BCAS3: variants seen among roughly 807,000 people sequenced by gnomAD.
BCAS3 encodes the protein BCAS4/BCAS3 fusion.
A neutral mutation model predicts 116.1 loss-of-function variants in BCAS3; 53 were observed. The ratio of observed to expected loss-of-function variants is 0.46; its 90% CI spans 0.37 to 0.57. BCAS3 has a LOEUF of 0.57. Among genes scored for constraint, BCAS3 ranks in the 20% least tolerant of loss-of-function variants. The pLI is 0.00. For synonymous variants in BCAS3, 391 were observed against 408.2 expected, an observed-to-expected ratio of 0.96 and a Z score of 0.51; for missense variants, 917 against 1,165.4, an observed-to-expected ratio of 0.79 and a Z score of 3.10.
In BCAS3 at chr17:61,015,788, C is replaced by T. The variant is rs1268912673; in HGVS notation, c.1524C>T (p.Thr508=). The change falls in exon 16 of 24, where the codon ACC becomes ACT. Residue 508 remains threonine, a synonymous_variant. Coordinates refer to ENST00000407086, the MANE Select transcript of BCAS3 (RefSeq NM_017679.5). ...GCCAAGACTCCTATAACAATTTTAC[C>T]AACAACAACCCTGGCAACCCTCGGC... ...LNSQDSYNNF[T]NNNPGNPRLS... The T allele has an allele frequency of 6.2e-7, 1 of 1,613,648 alleles. No homozygotes were observed. Among genetic ancestry groups the T allele is most frequent in the East Asian group, 2.2e-5 (1 of 44,882 alleles).
Position 61,181,329 on chromosome 17 carries a change from A to G in BCAS3, c.2425+96765A>G, listed in dbSNP as rs1357099203. On this transcript the variant is annotated intron_variant, in intron 22 of 23. Transcript: ENST00000407086. The surrounding 1 kb of genome is among the most constrained non-coding windows in gnomAD (Gnocchi z 5.0). Reference sequence around the variant, plus strand: ...GTGAAGACCTACTGGTAGTGGTTAAATGTAGGATTTTAATCAGATCAGAGC... The same window carrying G: ...GTGAAGACCTACTGGTAGTGGTTAAGTGTAGGATTTTAATCAGATCAGAGC... Among the ~76,000 whole-genome samples the G allele has an allele frequency of 6.6e-6, 1 of 152,208 alleles. No individual in the cohort carries two copies. Among genetic ancestry groups the G allele is most frequent in the Admixed American group, 6.5e-5 (1 of 15,282 alleles).
intron 23 of BCAS3, among the ~76,000 whole-genome samples, chr17:61,384,140 A>C (rs1247917488): frequency 6.6e-6 from 1 of 152,142 alleles, no homozygotes; most frequent in African/African-American, 2.4e-5. Context: ...GCGTGGCAGC[A>C]CCTGGCCGGG....
intron 22 of BCAS3, among the ~76,000 whole-genome samples, chr17:61,092,469 G>C (rs541670251): frequency 6.6e-6 from 1 of 152,244 alleles, no homozygotes; most frequent in African/African-American, 2.4e-5. Flanking sequence ...CAAAATGACT[G>C]TACCATTTTG....
At chr17:60,795,419 G>A (rs879849284) in intron 6 of BCAS3, among the ~76,000 whole-genome samples, 4 of 151,984 alleles carry the variant, frequency 2.6e-5, no homozygotes, top group East Asian at 3.9e-4. Flanking sequence ...TTTTTCTCTC[G>A]TCTGATTGCT....
chr17:60,826,109 C>T (rs928523832), intron 7 of BCAS3, among the ~76,000 whole-genome samples: 2 of 151,958 alleles, frequency 1.3e-5, no homozygotes, highest in Non-Finnish European at 2.9e-5. Context: ...ATCCTCCTTC[C>T]TTGGCCTCCC....
intron 7 of BCAS3, among the ~76,000 whole-genome samples, chr17:60,828,465 T>G (rs985384590): frequency 3.3e-5 from 5 of 152,254 alleles, no homozygotes; most frequent in Non-Finnish European, 7.3e-5. Flanking sequence ...TAAATATCAC[T>G]AATTATGTTA....
intron 22 of BCAS3, among the ~76,000 whole-genome samples, chr17:61,092,451 A>C (rs914314538): frequency 6.6e-6 from 1 of 152,180 alleles, no homozygotes; most frequent in African/African-American, 2.4e-5. Flanking sequence ...AACTGCCAAC[A>C]CGTTTTCCAA....
chr17:61,159,927 C>T (rs1440618076), intron 22 of BCAS3, among the ~76,000 whole-genome samples: 1 of 150,914 alleles, frequency 6.6e-6, no homozygotes, highest in Admixed American at 6.6e-5. Context: ...TTTATACACA[C>T]AAGTTAATAC....
intron 22 of BCAS3, among the ~76,000 whole-genome samples, chr17:61,359,094 C>T (rs763464975): frequency 6.6e-6 from 1 of 152,096 alleles, no homozygotes; most frequent in Non-Finnish European, 1.5e-5. Context: ...ATGTAATTGA[C>T]GCATAACCAG....
chr17:60,841,863 C>T (rs904007897), intron 7 of BCAS3, among the ~76,000 whole-genome samples: 5 of 152,080 alleles, frequency 3.3e-5, no homozygotes, highest in Non-Finnish European at 5.9e-5. Flanking sequence ...GGCTTCCCCA[C>T]ATGGCTGCTT....
At chr17:60,987,800 T>C (rs771886784) in intron 14 of BCAS3, among the ~76,000 whole-genome samples, 2 of 152,128 alleles carry the variant, frequency 1.3e-5, no homozygotes, top group African/African-American at 4.8e-5. Context: ...ACTTTTTCTT[T>C]TCGAATTTGG....
At position 61,279,750 on chromosome 17, in the gene BCAS3, T is replaced by A. The variant is rs1040116179; in HGVS notation, c.2426-88577T>A. On this transcript the variant is annotated intron_variant, in intron 22 of 23. Coordinates refer to ENST00000407086, the MANE Select transcript of BCAS3 (RefSeq NM_017679.5). The surrounding 1 kb of genome is among the most constrained non-coding windows in gnomAD (Gnocchi z 4.4). Reference sequence around the variant, plus strand: ...AAGCCACTGGGCCTCCATGGTGAGGTGGCACTGGTCCCTCTGCTTGAGTGA... The same window carrying A: ...AAGCCACTGGGCCTCCATGGTGAGGAGGCACTGGTCCCTCTGCTTGAGTGA... 6.7e-6 allele frequency among the ~76,000 whole-genome samples: 1 copy of A among 149,830 alleles called. No homozygotes were observed. The highest frequency in any genetic ancestry group is 1.5e-5 in the Non-Finnish European group (1 of 67,600).
At position 61,228,965 on chromosome 17, in the gene BCAS3, T is replaced by C. The variant is rs2082516949; in HGVS notation, c.2426-139362T>C. Among the ~76,000 whole-genome samples, 1 of 150,920 alleles carries C rather than the reference T, an allele frequency of 6.6e-6. No individual in the cohort carries two copies. Among genetic ancestry groups the C allele is most frequent in the Non-Finnish European group, 1.5e-5 (1 of 67,904 alleles). On this transcript the variant is annotated intron_variant, in intron 22 of 23. Transcript: ENST00000407086. The surrounding 1 kb of genome is among the most constrained non-coding windows in gnomAD (Gnocchi z 5.0). ...GCAGCAGTTAGCCGAGTTGTTAATG[T>C]AAAGGAAAAGTTCTTGAAGGGAATT... is the stretch of plus-strand genomic sequence containing the variant.
rs777053217 is a variant in BCAS3 at position 60,721,055 on chromosome 17, A to C, written c.321+11730A>C. Among the ~76,000 whole-genome samples the C allele has an allele frequency of 7.8e-4, 119 of 152,196 alleles. 1 individual carries two copies. The highest frequency in any genetic ancestry group is 1.6e-4 in the Non-Finnish European group (11 of 68,042). On this transcript the variant is annotated intron_variant, in intron 5 of 23. Coordinates refer to ENST00000407086, the MANE Select transcript of BCAS3 (RefSeq NM_017679.5). Reference sequence around the variant, plus strand: ...ACTAAAAGCTTTAGAGCAAATATGCAAGGGCATTCTTGAGGTAAATGCCAA... The same window carrying C: ...ACTAAAAGCTTTAGAGCAAATATGCCAGGGCATTCTTGAGGTAAATGCCAA...
At chr17:60,942,266 A>G (rs2145227293) in intron 13 of BCAS3, among the ~76,000 whole-genome samples, 4 of 152,210 alleles carry the variant, frequency 2.6e-5, no homozygotes, top group Middle Eastern at 6.8e-3. Flanking sequence ...CTCTCTATCA[A>G]AATACAAAAA....
chr17:61,329,791 T>TCACCCTTAC (rs60447969), intron 22 of BCAS3, among the ~76,000 whole-genome samples: 87,012 of 151,396 alleles, frequency 0.57, 26,451 homozygotes, highest in East Asian at 0.7. Context: ...TCCTCGGCGC[T>TCACCCTTAC]CACCTCCTCC....
At chr17:61,340,648 G>A (rs1180132640) in intron 22 of BCAS3, among the ~76,000 whole-genome samples, 2 of 152,162 alleles carry the variant, frequency 1.3e-5, no homozygotes, top group Non-Finnish European at 2.9e-5. Context: ...GTGGGTAGAA[G>A]TTGGATTTAA....
chr17:60,716,353 T>C (rs578230431), intron 5 of BCAS3, among the ~76,000 whole-genome samples: 1 of 152,266 alleles, frequency 6.6e-6, no homozygotes, highest in Non-Finnish European at 1.5e-5. Context: ...GGAAGTGACA[T>C]ATAAGCTAAA....
At position 61,388,538 on chromosome 17, in the gene BCAS3, G is replaced by C. The variant is rs2059966473; in HGVS notation, c.2594-3439G>C. ...TGCGCCTCCTGACACCTCTCCACCT[G>C]CTTGCAGAGATCAGTGTACTTCTCA... On this transcript the variant is annotated intron_variant, in intron 23 of 23. Transcript: ENST00000407086. This position sits in a 1 kb window ranked among gnomAD's most constrained non-coding sequence, Gnocchi z 6.5. The C allele has an allele frequency of 6.5e-6, 9 of 1,390,214 alleles. No homozygotes were observed. Among genetic ancestry groups the C allele is most frequent in the Non-Finnish European group, 7.8e-6 (8 of 1,026,550 alleles). 86.1% of individuals were successfully genotyped at this position (1,390,214 alleles called of 1,614,324 possible).
Sources: gnomAD v4.1 joint callset for allele counts (sites outside exome capture counted in the v4.1 genomes callset) on GRCh38, gnomAD v4.1.1 for gene constraint, Gnocchi (gnomAD v3.1) non-coding constraint, MANE v1.5 for transcripts, NCBI Gene and HGNC (gene_info 2026-07-23, HGNC 2026-07-21) for gene names.